The following SMARCC1 variants were observed in gnomAD, a reference collection of about 807,000 sequenced individuals.
SMARCC1 encodes the protein SWI/SNF complex subunit SMARCC1.
Under a neutral mutation model 147.4 loss-of-function variants are expected in SMARCC1, and 43 were observed. The observed-to-expected ratio is 0.29, with a 90% CI of 0.23 to 0.38. SMARCC1 has a LOEUF of 0.38. SMARCC1 is among the 10% of genes least tolerant of loss of function. The pLI, the probability that SMARCC1 is intolerant of heterozygous loss-of-function variation, is 1.00. For missense variants in SMARCC1, 1,119 were observed against 1,381.1 expected (o/e 0.81, Z 3.01); for synonymous variants, 495 against 484.4 (o/e 1.02, Z -0.29).
chr3:47,729,187 ATGGTT>A (rs377380281), intron 5 of SMARCC1, 93 bp from the exon 6 acceptor site: 7 of 764,732 alleles, frequency 9.2e-6, no homozygotes, highest in African/African-American at 7.0e-5. Flanking sequence ...TTCTAAAAGC[ATGGTT>A]TTACTTATAG....
Position 47,740,452 on chromosome 3 carries a change from C to T in SMARCC1, c.402-2342G>A, listed in dbSNP as rs1007719547. Reference sequence around the variant, plus strand: ...CCTCGAGATCCACCCACCTCGGCCTCCCAAAGCACTGTGATTACAGGTGTG... The same window carrying T: ...CCTCGAGATCCACCCACCTCGGCCTTCCAAAGCACTGTGATTACAGGTGTG... On this transcript the variant is annotated intron_variant, in intron 3 of 27. Coordinates refer to ENST00000254480, the MANE Select transcript of SMARCC1 (RefSeq NM_003074.4). 2.6e-5 allele frequency among the ~76,000 whole-genome samples: 4 copies of T among 151,950 alleles called. No individual in the cohort carries two copies. In the South Asian group the frequency reaches 8.3e-4, roughly 32 times the overall value.
intron 9 of SMARCC1, among the ~76,000 whole-genome samples, chr3:47,710,064 C>T (rs929521586): frequency 6.6e-6 from 1 of 152,100 alleles, no homozygotes; most frequent in Admixed American, 6.6e-5. Flanking sequence ...TGCCTGTAAT[C>T]CCAGCACTTT....
intron 10 of SMARCC1, among the ~76,000 whole-genome samples, chr3:47,705,966 C>T (rs2033987832): frequency 6.6e-6 from 1 of 152,098 alleles, no homozygotes; most frequent in South Asian, 2.1e-4. Flanking sequence ...AAAAGTGTAG[C>T]CCTGAACCAG....
intron 18 of SMARCC1, among the ~76,000 whole-genome samples, chr3:47,671,770 A>G (rs770809557): frequency 6.6e-6 from 1 of 152,212 alleles, no homozygotes; most frequent in Non-Finnish European, 1.5e-5. Flanking sequence ...ACATTCTAAC[A>G]TATTTCCCTC....
At chr3:47,673,605 C>T (rs2033532236) in intron 18 of SMARCC1, among the ~76,000 whole-genome samples, 2 of 152,158 alleles carry the variant, frequency 1.3e-5, no homozygotes. Context: ...AGGAGAATCA[C>T]TTGAACCGTG....
chr3:47,679,954 T>C (rs977717294), intron 15 of SMARCC1, among the ~76,000 whole-genome samples: 3 of 152,044 alleles, frequency 2.0e-5, no homozygotes, highest in African/African-American at 7.2e-5. Context: ...ATCCAAACTT[T>C]AACTCTAAGA....
At chr3:47,674,925 C>T (rs530591567) in intron 18 of SMARCC1, among the ~76,000 whole-genome samples, 2 of 152,152 alleles carry the variant, frequency 1.3e-5, no homozygotes, top group East Asian at 1.9e-4. Context: ...AATAGAGACA[C>T]AGTCTTGCTA....
intron 25 of SMARCC1, 107 bp from the exon 26 acceptor site, chr3:47,610,434 C>T: frequency 8.8e-7 from 1 of 1,132,562 alleles, no homozygotes. Flanking sequence ...TCCCATCACA[C>T]TGACATCACC....
In SMARCC1 at chr3:47,708,746, A is replaced by C. The variant is rs1257558908; in HGVS notation, c.918+1937T>G. Reference sequence around the variant, plus strand: ...CCAAAACAAACGACAACCAACTGCAAGTAAAAAGGTATGACAAAGACTCAA... The same window carrying C: ...CCAAAACAAACGACAACCAACTGCACGTAAAAAGGTATGACAAAGACTCAA... On this transcript the variant is annotated intron_variant, in intron 9 of 27. Coordinates refer to ENST00000254480, the MANE Select transcript of SMARCC1 (RefSeq NM_003074.4). Among the ~76,000 whole-genome samples the C allele has an allele frequency of 1.3e-5, 2 of 152,218 alleles. 1 individual carries two copies.
At chr3:47,631,507 G>A (rs1277071960) in intron 24 of SMARCC1, among the ~76,000 whole-genome samples, 1 of 152,190 alleles carries the variant, frequency 6.6e-6, no homozygotes, top group Non-Finnish European at 1.5e-5. Context: ...GACCCAGATA[G>A]AAAGGATCCA....
chr3:47,755,002 C>T (rs2106853119), intron 2 of SMARCC1, among the ~76,000 whole-genome samples: 1 of 152,262 alleles, frequency 6.6e-6, no homozygotes, highest in East Asian at 1.9e-4. Context: ...GAGATCGTGC[C>T]ACTGCACTCC....
In SMARCC1 at chr3:47,690,940, A is replaced by G. The variant is rs1313159678; in HGVS notation, c.1226-1516T>C. 3.9e-5 allele frequency among the ~76,000 whole-genome samples: 6 copies of G among 152,344 alleles called. No individual in the cohort carries two copies. In the East Asian group the frequency reaches 1.2e-3, roughly 29 times the overall value. On this transcript the variant is annotated intron_variant, in intron 12 of 27. Transcript: ENST00000254480. Reference sequence around the variant, plus strand: ...AGAAAGAAATCTAGGTAAGGCTGCCAAAAACAAACACTTGGTCCGTTGGAC... The same window carrying G: ...AGAAAGAAATCTAGGTAAGGCTGCCGAAAACAAACACTTGGTCCGTTGGAC...
At chr3:47,681,824 A>G (rs986071182) in intron 14 of SMARCC1, among the ~76,000 whole-genome samples, 2 of 152,158 alleles carry the variant, frequency 1.3e-5, no homozygotes, top group East Asian at 3.8e-4. Flanking sequence ...ACCGTAAGGA[A>G]CTAATTACAT....
At chr3:47,625,068 G>C (rs1434287446) in intron 24 of SMARCC1, among the ~76,000 whole-genome samples, 1 of 151,646 alleles carries the variant, frequency 6.6e-6, no homozygotes, top group Non-Finnish European at 1.5e-5. Context: ...AACAAGACTG[G>C]TAAAAATTGA....
intron 25 of SMARCC1, among the ~76,000 whole-genome samples, chr3:47,615,512 G>C (rs1417053922): frequency 6.6e-6 from 1 of 152,042 alleles, no homozygotes; most frequent in Non-Finnish European, 1.5e-5. Flanking sequence ...AGCTGACCAT[G>C]ACCTCCCCTT....
chr3:47,733,979 A>G (rs566765912), intron 5 of SMARCC1, among the ~76,000 whole-genome samples: 29 of 150,760 alleles, frequency 1.9e-4, no homozygotes, highest in Admixed American at 3.9e-4. Context: ...ACGTGTGTGT[A>G]TATATATACA....
chr3:47,608,874 A>AG (rs2032521811), intron 26 of SMARCC1, among the ~76,000 whole-genome samples: 1 of 134,400 alleles, frequency 7.4e-6, no homozygotes, highest in South Asian at 2.4e-4. Context: ...AAAAAAAAAA[A>AG]GTGTGAATTT....
intron 26 of SMARCC1, among the ~76,000 whole-genome samples, chr3:47,604,947 T>C (rs2032447298): frequency 6.6e-6 from 1 of 152,260 alleles, no homozygotes; most frequent in Non-Finnish European, 1.5e-5. Context: ...GTGGTCCACC[T>C]GCCTTGGCTT....
At chr3:47,597,385 C>G (rs574154443) in intron 26 of SMARCC1, among the ~76,000 whole-genome samples, 4 of 151,964 alleles carry the variant, frequency 2.6e-5, no homozygotes, top group Admixed American at 1.3e-4. Context: ...CTCTGTTGCC[C>G]AGGCTGGAGT....
Sources: allele counts gnomAD v4.1 joint callset (sites outside exome capture counted in the v4.1 genomes callset), GRCh38; gene constraint gnomAD v4.1.1; transcripts MANE v1.5; gene names NCBI Gene and HGNC (gene_info 2026-07-23, HGNC 2026-07-21).